UBR1: variants seen among roughly 807,000 people sequenced by gnomAD.
UBR1 encodes E3 ubiquitin-protein ligase UBR1.
UBR1 carries 102 observed loss-of-function variants against 242.1 expected under a neutral mutation model. The observed-to-expected ratio is 0.42, with a 90% CI of 0.36 to 0.50. The LOEUF is 0.50. Among genes scored for constraint, UBR1 ranks in the 20% least tolerant of loss-of-function variants. The probability of loss-of-function intolerance (pLI) is 0.01; values close to 1 mark genes in which losing one functional copy is unlikely to be tolerated. For missense variants in UBR1, 1,772 were observed against 2,101.8 expected, an observed-to-expected ratio of 0.84 and a Z score of 3.07; for synonymous variants, 675 against 684.8, an observed-to-expected ratio of 0.99 and a Z score of 0.22.
chr15:43,061,482 C>A (rs1490346126), intron 6 of UBR1, among the ~76,000 whole-genome samples: 4 of 152,094 alleles, frequency 2.6e-5, no homozygotes, highest in Admixed American at 6.6e-5. Context: ...AACTGAAATG[C>A]CCATCAGAGT....
rs750626761 is a variant in UBR1, at chr15:43,017,091, A to G, written c.3027+4T>C. On this transcript the variant is annotated splice_donor_region_variant and intron_variant, in intron 28 of 46. Coordinates refer to ENST00000290650, the MANE Select transcript of UBR1 (RefSeq NM_174916.3). ...ATTACTACAGTGTTATTACAGTGTC[A>G]TACCTCATCATTCTTAATAGATTCC... 6.2e-7 allele frequency: 1 copy of G among 1,607,180 alleles called. No individual in the cohort carries two copies. Among genetic ancestry groups the G allele is most frequent in the East Asian group, 2.2e-5 (1 of 44,820 alleles).
At chr15:43,010,912 C>T (rs1425310433) in intron 29 of UBR1, among the ~76,000 whole-genome samples, 3 of 151,614 alleles carry the variant, frequency 2.0e-5, no homozygotes, top group African/African-American at 7.3e-5. Flanking sequence ...ATCGCTTGAA[C>T]CCAGGAGGCG....
At chr15:42,949,445 T>TG (rs2031792335) in intron 46 of UBR1, among the ~76,000 whole-genome samples, 1 of 149,760 alleles carries the variant, frequency 6.7e-6, no homozygotes, top group African/African-American at 2.5e-5. Context: ...TAAAATAAAA[T>TG]AAAAAAAAAA....
chr15:42,967,045 G>A (rs1346501808), intron 40 of UBR1, among the ~76,000 whole-genome samples: 6 of 151,460 alleles, frequency 4.0e-5, no homozygotes, highest in Non-Finnish European at 7.4e-5. Flanking sequence ...TCAGCCTCCC[G>A]AGTATCTGGG....
At chr15:43,050,668 G>C (rs1485305998) in intron 12 of UBR1, among the ~76,000 whole-genome samples, 1 of 149,350 alleles carries the variant, frequency 6.7e-6, no homozygotes, top group Admixed American at 6.7e-5. Flanking sequence ...AGGTTGCAGT[G>C]AGCCAAGATA....
chr15:43,017,261 T>C (rs1047205291), intron 27 of UBR1, 80 bp from the exon 28 acceptor site: 3 of 984,134 alleles, frequency 3.0e-6, no homozygotes, highest in Non-Finnish European at 4.7e-6. Flanking sequence ...ACTAATCTGA[T>C]TTTGGCATCA....
chr15:43,082,669 T>C lies in UBR1; in HGVS notation c.386A>G (p.Gln129Arg). 1 of 1,613,908 alleles carries C rather than the reference T, an allele frequency of 6.2e-7. No individual in the cohort carries two copies. Among genetic ancestry groups the C allele is most frequent in the South Asian group, 1.1e-5 (1 of 91,080 alleles). The change falls in exon 3 of 47, where the codon CAG becomes CGG. Residue 129 changes from glutamine (Q) to arginine (R), a missense_variant. Gln to Arg is a conservative substitution (Grantham distance 43, BLOSUM62 1). Transcript: ENST00000290650. Reference protein sequence around the residue: ...PTCVLCMDCFQDSVHKNHRYK... With the variant: ...PTCVLCMDCFRDSVHKNHRYK... ...ACGATGATTTTTATGAACACTGTCC[T>C]GGAAGCAGTCCATACAGAGTACACA...
chr15:42,960,732 G>T, intron 42 of UBR1, 31 bp from the exon 43 acceptor site: 1 of 1,606,644 alleles, frequency 6.2e-7, no homozygotes, highest in South Asian at 1.1e-5. Context: ...AAAGACAAAT[G>T]GATTATCACA....
Position 43,039,756 on chromosome 15 carries a change from G to A in UBR1, c.1850-1524C>T, listed in dbSNP as rs149613513. ...GAGAGAAGGCATCCTTGTCTTGTGC[G>A]GGTTTTCAAAGGGAATGCTTCCAGT... On this transcript the variant is annotated intron_variant, in intron 15 of 46. Transcript: ENST00000290650. Among the ~76,000 whole-genome samples, 201 of 152,148 alleles carry A rather than the reference G, an allele frequency of 1.3e-3. 2 individuals are homozygous for A. In the East Asian group the frequency reaches 0.021, roughly 16 times the overall value.
rs376036774 is a variant in UBR1, at chr15:43,017,102, T to C, written c.3020A>G (p.Asn1007Ser). ...GTTATTACAGTGTCATACCTCATCA[T>C]TCTTAATAGATTCCGATCCTGATGT... is the stretch of plus-strand genomic sequence containing the variant. ...ATTSGSESIKNDEITHDKEKA... is the reference protein window; with the variant it reads ...ATTSGSESIKSDEITHDKEKA... Residue 1007 changes from asparagine (N) to serine (S), a missense_variant, in exon 28 of 47, where the codon AAT becomes AGT. By Grantham distance (46) the Asn-to-Ser change is conservative. Transcript: ENST00000290650. The C allele has an allele frequency of 1.2e-6, 2 of 1,612,178 alleles. No individual in the cohort carries two copies. Among genetic ancestry groups the C allele is most frequent in the African/African-American group, 2.7e-5 (2 of 74,894 alleles).
rs1473864132 is a variant in UBR1 at position 42,976,889 on chromosome 15, CA to C, written c.4219-23del. ...CCACCTATGAGAGAAAAATGGACAT[CA>C]ATATGGCTAATGATAAAAGACTAAC... On this transcript the variant is annotated intron_variant, in intron 38 of 46. Transcript: ENST00000290650. 6 of 1,610,526 alleles carry C rather than the reference CA, an allele frequency of 3.7e-6. No homozygotes were observed. In the African/African-American group the frequency reaches 8.0e-5, roughly 22 times the overall value.
At chr15:42,977,544 C>T (rs923339404) in intron 38 of UBR1, among the ~76,000 whole-genome samples, 1 of 152,150 alleles carries the variant, frequency 6.6e-6, no homozygotes, top group African/African-American at 2.4e-5. Flanking sequence ...AGAGCTCACA[C>T]AGTCATTGAC....
intron 27 of UBR1, among the ~76,000 whole-genome samples, chr15:43,019,517 C>T (rs916828966): frequency 1.3e-5 from 2 of 151,452 alleles, no homozygotes; most frequent in Admixed American, 1.3e-4. Flanking sequence ...CAATACTTAC[C>T]TAAAAACATC....
At chr15:43,067,855 G>C (rs1435880629) in intron 6 of UBR1, 43 bp downstream of exon 6, 1 of 1,613,178 alleles carries the variant, frequency 6.2e-7, no homozygotes, top group South Asian at 1.1e-5. Flanking sequence ...CTGCCAGGAA[G>C]CTGACAGAAA....
At chr15:43,057,111 A>T (rs1292920048) in intron 10 of UBR1, among the ~76,000 whole-genome samples, 1 of 152,224 alleles carries the variant, frequency 6.6e-6, no homozygotes, top group Non-Finnish European at 1.5e-5. Flanking sequence ...GTGTACAAAA[A>T]AAATCATCTA....
At chr15:43,090,800 G>A (rs1226039970) in intron 1 of UBR1, among the ~76,000 whole-genome samples, 1 of 152,156 alleles carries the variant, frequency 6.6e-6, no homozygotes, top group Non-Finnish European at 1.5e-5. Flanking sequence ...TCACAGGGAA[G>A]TAAACTGACT....
intron 46 of UBR1, 132 bp downstream of exon 46, chr15:42,950,130 T>G (rs1376684861): frequency 1.4e-5 from 12 of 855,442 alleles, no homozygotes; most frequent in Non-Finnish European, 2.3e-5. Flanking sequence ...TAAGCCACGG[T>G]GTCTGGCCTC....
intron 14 of UBR1, 45 bp from the exon 15 acceptor site, chr15:43,043,440 T>A (rs371261072): frequency 2.3e-5 from 37 of 1,594,918 alleles, no homozygotes; most frequent in Middle Eastern, 3.3e-4. Context: ...TTTTCTACTT[T>A]AACACTTTTT....
intron 6 of UBR1, among the ~76,000 whole-genome samples, chr15:43,065,876 C>A (rs1397754501): frequency 6.6e-6 from 1 of 152,006 alleles, no homozygotes; most frequent in Non-Finnish European, 1.5e-5. Flanking sequence ...ACTAAACCTT[C>A]ATCAGATGGA....
Sources: allele counts gnomAD v4.1 joint callset (sites outside exome capture counted in the v4.1 genomes callset), GRCh38; gene constraint gnomAD v4.1.1; transcripts MANE v1.5; gene names NCBI Gene and HGNC (gene_info 2026-07-23, HGNC 2026-07-21).